AGMO: variants seen among roughly 807,000 people sequenced by gnomAD.
AGMO encodes glyceryl-ether monooxygenase.
AGMO carries 75 observed loss-of-function variants against 60.2 expected under a neutral mutation model. The ratio of observed to expected loss-of-function variants is 1.25; its 90% CI spans 1.03 to 1.51. AGMO has a LOEUF of 1.51. Ranked by LOEUF, AGMO falls within the 40% of genes most tolerant of loss-of-function variation. The probability of loss-of-function intolerance (pLI) is 0.00; values close to 1 mark genes in which losing one functional copy is unlikely to be tolerated. For missense variants in AGMO, 763 were observed against 525.5 expected, an observed-to-expected ratio of 1.45 and a Z score of -4.42; for synonymous variants, 261 against 177.1, an observed-to-expected ratio of 1.47 and a Z score of -3.76.
At chr7:15,247,240 A>T in intron 12 of AGMO, among the ~76,000 whole-genome samples, 1 of 152,062 alleles carries the variant, frequency 6.6e-6, no homozygotes. Flanking sequence ...AGCTATTTAA[A>T]AAAATGCAAA....
intron 2 of AGMO, 85 bp from the exon 3 acceptor site, chr7:15,545,008 T>A: frequency 1.0e-6 from 1 of 954,608 alleles, no homozygotes; most frequent in Non-Finnish European, 1.4e-6. Context: ...CATTTAAAAT[T>A]AATATCTTCA....
chr7:15,419,703 A>C (rs889033847), intron 4 of AGMO, among the ~76,000 whole-genome samples: 4 of 151,878 alleles, frequency 2.6e-5, no homozygotes, highest in African/African-American at 9.7e-5. Flanking sequence ...CATGTTATTA[A>C]GCAATGGATT....
At chr7:15,465,006 C>T (rs1266332392) in intron 3 of AGMO, among the ~76,000 whole-genome samples, 2 of 152,082 alleles carry the variant, frequency 1.3e-5, no homozygotes. Context: ...AGTCCATGTT[C>T]CCACGTGTCA....
rs182085681 is a variant in AGMO at position 15,328,957 on chromosome 7, C to T, written c.1263+36557G>A. ...TTGCCCTCTACCTGAACCTGAACTC[C>T]TATTCCCTAAAATAGCAGTATGGTT... On this transcript the variant is annotated intron_variant, in intron 12 of 12. Coordinates refer to ENST00000342526, the MANE Select transcript of AGMO (RefSeq NM_001004320.2). 7.9e-5 allele frequency among the ~76,000 whole-genome samples: 12 copies of T among 152,242 alleles called. No homozygotes were observed. In the East Asian group the frequency reaches 2.1e-3, roughly 27 times the overall value.
intron 12 of AGMO, among the ~76,000 whole-genome samples, chr7:15,327,673 A>G (rs577614322): frequency 6.6e-6 from 1 of 151,430 alleles, no homozygotes; most frequent in East Asian, 2.0e-4. Context: ...TTGAGGGTAT[A>G]TGTAATTAAG....
chr7:15,315,624 T>G (rs1362227013), intron 12 of AGMO, among the ~76,000 whole-genome samples: 2 of 152,214 alleles, frequency 1.3e-5, no homozygotes, highest in Non-Finnish European at 2.9e-5. Flanking sequence ...GCCCAGCCAT[T>G]TGCTGTATAT....
intron 12 of AGMO, among the ~76,000 whole-genome samples, chr7:15,361,422 C>G (rs756929703): frequency 6.6e-6 from 1 of 151,248 alleles, no homozygotes; most frequent in Non-Finnish European, 1.5e-5. Context: ...CACCTGTAGT[C>G]CCAGCTACTC....
chr7:15,136,846 C>G, the AGMO span, among the ~76,000 whole-genome samples: 9 of 152,010 alleles, frequency 5.9e-5, no homozygotes, highest in Admixed American at 5.9e-4. Flanking sequence ...CTCCAGAATC[C>G]TCCTGTGGGA....
intron 3 of AGMO, among the ~76,000 whole-genome samples, chr7:15,477,863 T>A (rs2128515864): frequency 6.6e-6 from 1 of 152,240 alleles, no homozygotes; most frequent in Admixed American, 6.5e-5. Context: ...CAATAAGTAA[T>A]CACATAACTC....
chr7:15,202,489 A>AAAAAAAAAAACC (rs1277846759), intron 12 of AGMO, among the ~76,000 whole-genome samples: 3 of 132,052 alleles, frequency 2.3e-5, no homozygotes, highest in Non-Finnish European at 4.9e-5. Context: ...AAAAAAAAAA[A>AAAAAAAAAAACC]CCCTCCCAAA....
At chr7:15,395,541 G>A (rs1250520362) in intron 5 of AGMO, among the ~76,000 whole-genome samples, 2 of 152,032 alleles carry the variant, frequency 1.3e-5, no homozygotes, top group South Asian at 2.1e-4. Context: ...TTTGTTTAGC[G>A]TTGTATAACT....
Position 15,469,557 on chromosome 7 carries a change from T to C in AGMO, c.410-38449A>G, listed in dbSNP as rs543203789. Reference sequence around the variant, plus strand: ...GGTCAGCTGTGTTCCTCACGCCCCATGGCAAGAGGTCATTTGAAATAGAAC... The same window carrying C: ...GGTCAGCTGTGTTCCTCACGCCCCACGGCAAGAGGTCATTTGAAATAGAAC... On this transcript the variant is annotated intron_variant, in intron 3 of 12. Transcript: ENST00000342526. 5.9e-5 allele frequency among the ~76,000 whole-genome samples: 9 copies of C among 152,234 alleles called. No homozygotes were observed. In the South Asian group the frequency reaches 1.7e-3, roughly 28 times the overall value.
chr7:15,355,984 C>T, intron 12 of AGMO, among the ~76,000 whole-genome samples: 1 of 33,212 alleles, frequency 3.0e-5, no homozygotes, highest in Non-Finnish European at 4.9e-5. Flanking sequence ...AATGATCCAC[C>T]CACTTCAATA....
At chr7:15,281,700 C>T (rs765035217) in intron 12 of AGMO, among the ~76,000 whole-genome samples, 15 of 152,150 alleles carry the variant, frequency 9.9e-5, no homozygotes, top group Non-Finnish European at 1.9e-4. Context: ...TTGATGGACA[C>T]CTGCTTTTGC....
intron 12 of AGMO, among the ~76,000 whole-genome samples, chr7:15,257,948 T>C (rs1307859115): frequency 6.6e-6 from 1 of 152,208 alleles, no homozygotes; most frequent in Non-Finnish European, 1.5e-5. Flanking sequence ...TATGGAGTCT[T>C]TTCTTTGTAG....
At chr7:15,346,167 A>C (rs973857081) in intron 12 of AGMO, among the ~76,000 whole-genome samples, 1 of 152,146 alleles carries the variant, frequency 6.6e-6, no homozygotes, top group African/African-American at 2.4e-5. Context: ...TCAAACTGGA[A>C]ACAGGCATCT....
In AGMO at chr7:15,382,157, C is replaced by T. The variant is rs549241466; in HGVS notation, c.1074+3289G>A. Among the ~76,000 whole-genome samples, 124 of 152,116 alleles carry T rather than the reference C, an allele frequency of 8.2e-4. 4 individuals are homozygous for T. The South Asian group carries it at 0.025, about 30-fold the overall frequency. On this transcript the variant is annotated intron_variant, in intron 10 of 12. Transcript: ENST00000342526. ...TGTAACAAAACTGCACATGTACCCC[C>T]GAACTTAAAATAAAAGTTTAAAAAA...
intron 3 of AGMO, among the ~76,000 whole-genome samples, chr7:15,474,081 C>T (rs1010487266): frequency 1.3e-5 from 2 of 152,126 alleles, no homozygotes; most frequent in South Asian, 4.1e-4. Context: ...ACATTCCATG[C>T]TCATGGATAG....
At chr7:15,478,202 A>G (rs1782647645) in intron 3 of AGMO, among the ~76,000 whole-genome samples, 1 of 152,174 alleles carries the variant, frequency 6.6e-6, no homozygotes, top group Non-Finnish European at 1.5e-5. Context: ...AAGAGTGGAG[A>G]AAGTCCTGGA....
Sources: gnomAD v4.1 joint callset for allele counts (sites outside exome capture counted in the v4.1 genomes callset) on GRCh38, gnomAD v4.1.1 for gene constraint, MANE v1.5 for transcripts, NCBI Gene and HGNC (gene_info 2026-07-23, HGNC 2026-07-21) for gene names.